Variants in MITF observed in about 807,000 individuals in gnomAD.
MITF encodes microphthalmia-associated transcription factor.
MITF carries 17 observed loss-of-function variants against 60.5 expected under a neutral mutation model. The ratio of observed to expected loss-of-function variants is 0.28; its 90% CI spans 0.19 to 0.42. The LOEUF is 0.42. Among genes scored for constraint, MITF ranks in the 10% least tolerant of loss-of-function variants. MITF has a pLI of 1.00. For missense variants in MITF, 622 were observed against 683.5 expected (o/e 0.91, Z 1.00); for synonymous variants, 260 against 248.5 (o/e 1.05, Z -0.43).
At chr3:69,920,325 G>A (rs1377516204) in intron 2 of MITF, among the ~76,000 whole-genome samples, 1 of 152,000 alleles carries the variant, frequency 6.6e-6, no homozygotes, top group African/African-American at 2.4e-5. Context: ...CTTTTCCCCG[G>A]GGGAGTTTAG....
At chr3:69,780,997 A>G (rs1260503634) in intron 1 of MITF, among the ~76,000 whole-genome samples, 1 of 152,160 alleles carries the variant, frequency 6.6e-6, no homozygotes, top group South Asian at 2.1e-4. Context: ...TCAAAGGTAA[A>G]TGAGGGACAT....
chr3:69,763,151 A>G (rs987354145), intron 1 of MITF, among the ~76,000 whole-genome samples: 5 of 152,188 alleles, frequency 3.3e-5, no homozygotes, highest in African/African-American at 1.2e-4. Context: ...ACTTATGGGA[A>G]GTATCTTCTT....
chr3:69,852,592 A>G (rs2063843437), intron 1 of MITF, among the ~76,000 whole-genome samples: 1 of 152,178 alleles, frequency 6.6e-6, no homozygotes, highest in Non-Finnish European at 1.5e-5. Flanking sequence ...AGAGTTCTGC[A>G]CTATTATGAG....
At chr3:69,743,757 T>C (rs1287511338) in intron 1 of MITF, among the ~76,000 whole-genome samples, 2 of 152,176 alleles carry the variant, frequency 1.3e-5, no homozygotes, top group African/African-American at 2.4e-5. Context: ...AGAATTCACA[T>C]AGGCATAGTC....
chr3:69,873,053 T>A (rs2064274099), intron 1 of MITF, among the ~76,000 whole-genome samples: 1 of 152,170 alleles, frequency 6.6e-6, no homozygotes, highest in Non-Finnish European at 1.5e-5. Flanking sequence ...GCTGCTCATG[T>A]TACCCCCAAA....
chr3:69,740,469 C>A (rs1703488241), intron 1 of MITF, among the ~76,000 whole-genome samples: 1 of 152,176 alleles, frequency 6.6e-6, no homozygotes. Context: ...CTGGGGACTT[C>A]AGAAACTTTT....
chr3:69,896,141 G>T (rs1056773585), intron 2 of MITF, among the ~76,000 whole-genome samples: 2 of 152,160 alleles, frequency 1.3e-5, no homozygotes, highest in African/African-American at 4.8e-5. Context: ...CATGTTGTTG[G>T]CAAATAAGAC....
chr3:69,891,044 G>A (rs2064748590), intron 2 of MITF, among the ~76,000 whole-genome samples: 1 of 152,114 alleles, frequency 6.6e-6, no homozygotes, highest in African/African-American at 2.4e-5. Context: ...TATTTTCTGA[G>A]TCTGTATTAA....
chr3:69,888,502 C>T (rs550513803), intron 2 of MITF, among the ~76,000 whole-genome samples: 1 of 150,734 alleles, frequency 6.6e-6, no homozygotes, highest in Non-Finnish European at 1.5e-5. Context: ...GTTCTTTTTA[C>T]CTCCTGGGAA....
intron 2 of MITF, among the ~76,000 whole-genome samples, chr3:69,906,095 T>C (rs1444980346): frequency 6.6e-6 from 1 of 152,214 alleles, no homozygotes; most frequent in Non-Finnish European, 1.5e-5. Context: ...TAGAATGTTA[T>C]AGTTTTAAGT....
At chr3:69,870,413 T>G in intron 1 of MITF, among the ~76,000 whole-genome samples, 1 of 148,964 alleles carries the variant, frequency 6.7e-6, no homozygotes, top group East Asian at 2.0e-4. Context: ...TGTGTATATA[T>G]ATATGTGTGT....
intron 2 of MITF, among the ~76,000 whole-genome samples, chr3:69,934,963 A>C (rs2065800510): frequency 6.6e-6 from 1 of 152,138 alleles, no homozygotes; most frequent in African/African-American, 2.4e-5. Context: ...ACCCTTGAAA[A>C]ATTTGGAGAT....
intron 2 of MITF, among the ~76,000 whole-genome samples, chr3:69,890,086 G>A (rs533555117): frequency 1.3e-5 from 2 of 152,190 alleles, no homozygotes; most frequent in South Asian, 2.1e-4. Context: ...TACCTACAAA[G>A]TATTACTGTT....
intron 1 of MITF, among the ~76,000 whole-genome samples, chr3:69,793,534 C>A (rs2062778567): frequency 6.6e-6 from 1 of 152,134 alleles, no homozygotes; most frequent in Non-Finnish European, 1.5e-5. Flanking sequence ...TCATAGCATG[C>A]ACCCTCTCCC....
At chr3:69,777,710 T>G (rs2062496489) in intron 1 of MITF, among the ~76,000 whole-genome samples, 1 of 152,126 alleles carries the variant, frequency 6.6e-6, no homozygotes, top group Non-Finnish European at 1.5e-5. Flanking sequence ...AGTCAAGTTA[T>G]CCCATCAAAA....
At chr3:69,908,153 C>T (rs2065142560) in intron 2 of MITF, among the ~76,000 whole-genome samples, 4 of 152,140 alleles carry the variant, frequency 2.6e-5, no homozygotes, top group Admixed American at 2.6e-4. Context: ...GAAATGTTCT[C>T]AAAGTGGTTG....
chr3:69,797,516 A>C lies in MITF; in HGVS notation c.104+57815A>C, dbSNP rs190745138. Among the ~76,000 whole-genome samples, 185 of 152,290 alleles carry C rather than the reference A, an allele frequency of 1.2e-3. 1 individual carries two copies. Among genetic ancestry groups the C allele is most frequent in the Non-Finnish European group, 2.3e-3 (156 of 68,020 alleles). The stretch of plus-strand genomic sequence containing the variant: ...AATAATACAATATTATTTTTGCCTT[A>C]GATTTTGAAGGGGTATAGGTGTGAT... On this transcript the variant is annotated intron_variant, in intron 1 of 9. Transcript: ENST00000352241.
chr3:69,895,685 T>A (rs2064857950), intron 2 of MITF, among the ~76,000 whole-genome samples: 1 of 152,118 alleles, frequency 6.6e-6, no homozygotes, highest in African/African-American at 2.4e-5. Flanking sequence ...AGTCAGTGGG[T>A]ATAGGACAGG....
chr3:69,888,772 C>G (rs2064684817), intron 2 of MITF, among the ~76,000 whole-genome samples: 1 of 152,072 alleles, frequency 6.6e-6, no homozygotes, highest in Non-Finnish European at 1.5e-5. Context: ...TTTACAAATT[C>G]TGAAGGGCCA....
Sources: allele counts gnomAD v4.1 joint callset (sites outside exome capture counted in the v4.1 genomes callset), GRCh38; gene constraint gnomAD v4.1.1; transcripts MANE v1.5; gene names NCBI Gene and HGNC (gene_info 2026-07-23, HGNC 2026-07-21).